SRPK2: variants seen among roughly 807,000 people sequenced by gnomAD.
SRPK2 encodes SFRS protein kinase 2.
A neutral mutation model predicts 90.8 loss-of-function variants in SRPK2; 21 were observed. The ratio of observed to expected loss-of-function variants is 0.23; its 90% CI spans 0.16 to 0.33. The LOEUF is 0.33. Among genes scored for constraint, SRPK2 ranks in the 10% least tolerant of loss-of-function variants. The pLI, the probability that SRPK2 is intolerant of heterozygous loss-of-function variation, is 1.00. For missense variants in SRPK2, 620 were observed against 869.0 expected (o/e 0.71, Z 3.60); for synonymous variants, 288 against 311.1 (o/e 0.93, Z 0.78).
chr7:105,137,440 CA>C (rs1399243937), intron 11 of SRPK2, among the ~76,000 whole-genome samples: 4 of 152,116 alleles, frequency 2.6e-5, no homozygotes, highest in Non-Finnish European at 4.4e-5. Flanking sequence ...CAGACAGAGA[CA>C]GACTGGGGAG....
At chr7:105,231,548 C>T (rs1178117317) in intron 2 of SRPK2, among the ~76,000 whole-genome samples, 1 of 152,166 alleles carries the variant, frequency 6.6e-6, no homozygotes, top group Non-Finnish European at 1.5e-5. Flanking sequence ...TATAAATGTT[C>T]CCTTTTCTCC....
chr7:105,273,005 G>A (rs1010418664), intron 2 of SRPK2, among the ~76,000 whole-genome samples: 3 of 151,960 alleles, frequency 2.0e-5, no homozygotes, highest in Non-Finnish European at 2.9e-5. Flanking sequence ...ACGAAGGTCA[G>A]GAGATAGAGA....
intron 15 of SRPK2, among the ~76,000 whole-genome samples, chr7:105,118,570 A>G (rs1228327242): frequency 6.6e-6 from 1 of 152,216 alleles, no homozygotes; most frequent in Non-Finnish European, 1.5e-5. Context: ...TAAATGGCCT[A>G]CGAGCTGTAA....
intron 2 of SRPK2, among the ~76,000 whole-genome samples, chr7:105,272,613 A>T (rs1365972877): frequency 6.6e-6 from 1 of 151,814 alleles, no homozygotes; most frequent in African/African-American, 2.4e-5. Flanking sequence ...ACCTGTAAGG[A>T]CCCTCTTTTC....
intron 13 of SRPK2, among the ~76,000 whole-genome samples, chr7:105,131,740 A>T (rs937395047): frequency 6.6e-6 from 1 of 152,234 alleles, no homozygotes; most frequent in African/African-American, 2.4e-5. Context: ...GAAAATTAAT[A>T]TATTTATTCT....
At chr7:105,374,968 A>G (rs1340275056) in intron 2 of SRPK2, among the ~76,000 whole-genome samples, 3 of 152,178 alleles carry the variant, frequency 2.0e-5, no homozygotes, top group Admixed American at 6.6e-5. Context: ...AAAATCATAT[A>G]TAAGAGATGA....
chr7:105,275,299 T>C (rs1806344450), intron 2 of SRPK2, among the ~76,000 whole-genome samples: 1 of 152,192 alleles, frequency 6.6e-6, no homozygotes. Flanking sequence ...TGCTATTTTC[T>C]TTTATCTCCA....
chr7:105,207,989 T>C (rs1214696509), intron 2 of SRPK2, among the ~76,000 whole-genome samples: 20 of 152,150 alleles, frequency 1.3e-4, no homozygotes, highest in Middle Eastern at 3.4e-3. Flanking sequence ...ATAAAAAGGA[T>C]TGGAAAGACA....
chr7:105,175,464 A>T (rs549070039), intron 3 of SRPK2, among the ~76,000 whole-genome samples: 2 of 152,198 alleles, frequency 1.3e-5, no homozygotes, highest in South Asian at 2.1e-4. Flanking sequence ...TTAGAAAACT[A>T]AAAAAATAGC....
chr7:105,231,719 G>T (rs541556485), intron 2 of SRPK2, among the ~76,000 whole-genome samples: 1 of 152,078 alleles, frequency 6.6e-6, no homozygotes, highest in Non-Finnish European at 1.5e-5. Context: ...GTCTTCTTTT[G>T]AAAAGTGTCT....
At chr7:105,361,707 A>G (rs1585887372) in intron 2 of SRPK2, among the ~76,000 whole-genome samples, 1 of 152,336 alleles carries the variant, frequency 6.6e-6, no homozygotes, top group Admixed American at 6.5e-5. Context: ...CAAACCTGAC[A>G]AAAACAAGCA....
At position 105,250,038 on chromosome 7, in the gene SRPK2, G is replaced by A. The variant is rs150199934; in HGVS notation, c.72-46253C>T. ...AGCGTTATTCTACTGTTAAAAAGTCGTGGCTACTTTGGCCAGGCACAGTGG... is the reference window on the plus strand; with the variant it reads ...AGCGTTATTCTACTGTTAAAAAGTCATGGCTACTTTGGCCAGGCACAGTGG... On this transcript the variant is annotated intron_variant, in intron 2 of 15. Transcript: ENST00000393651. Among the ~76,000 whole-genome samples, 346 of 152,166 alleles carry A rather than the reference G, an allele frequency of 2.3e-3. 2 individuals carry two copies. Among genetic ancestry groups the A allele is most frequent in the African/African-American group, 7.9e-3 (330 of 41,520 alleles).
At chr7:105,233,091 A>AGAAGGAAGGAAGGAAGGAAGGAAGGAAG (rs60327841) in intron 2 of SRPK2, among the ~76,000 whole-genome samples, 11 of 91,902 alleles carry the variant, frequency 1.2e-4, no homozygotes, top group South Asian at 4.4e-4. Flanking sequence ...AAGGAAGGAA[A>AGAAGGAAGGAAGGAAGGAAGGAAGGAAG]GAAGGAAGGA....
At position 105,117,433 on chromosome 7, in the gene SRPK2, G is replaced by T; in HGVS notation, c.*405C>A. On this transcript the variant is annotated 3_prime_UTR_variant, in exon 16 of 16. Coordinates refer to ENST00000393651, the MANE Select transcript of SRPK2 (RefSeq NM_182692.3). The stretch of plus-strand genomic sequence containing the variant: ...TTGTACATTTCCTTGCTATTTCTTG[G>T]TTCCAACTTGATAATTTCTTAAGAT... 1 of 187,826 alleles carries T rather than the reference G, an allele frequency of 5.3e-6. No homozygotes were observed. Among genetic ancestry groups the T allele is most frequent in the Non-Finnish European group, 1.1e-5 (1 of 91,620 alleles). 11.6% of individuals were successfully genotyped at this position (187,826 alleles called of 1,614,324 possible). A position where few individuals can be genotyped will look rare whatever the true frequency, so the allele number is the denominator to read the frequency against.
chr7:105,237,769 A>G (rs1800316675), intron 2 of SRPK2, among the ~76,000 whole-genome samples: 1 of 152,236 alleles, frequency 6.6e-6, no homozygotes, highest in Non-Finnish European at 1.5e-5. Context: ...TACAAGCCAA[A>G]CATGAAGAAC....
intron 2 of SRPK2, among the ~76,000 whole-genome samples, chr7:105,316,022 ATTT>A (rs11330337): frequency 7.0e-5 from 9 of 128,642 alleles, no homozygotes; most frequent in Non-Finnish European, 3.2e-5. Flanking sequence ...TCTTTAGGTA[ATTT>A]TTTTTTTTTT....
At chr7:105,118,366 C>T (rs1050923513) in intron 15 of SRPK2, among the ~76,000 whole-genome samples, 4 of 152,256 alleles carry the variant, frequency 2.6e-5, no homozygotes, top group Non-Finnish European at 5.9e-5. Context: ...TGGGATCTTC[C>T]GTAAAATTTG....
chr7:105,259,100 T>C (rs192919433), intron 2 of SRPK2, among the ~76,000 whole-genome samples: 5 of 152,298 alleles, frequency 3.3e-5, no homozygotes, highest in Admixed American at 6.5e-5. Context: ...TCAAATTGTC[T>C]CTGTTTGCAG....
At chr7:105,146,749 G>A (rs1448288643) in intron 7 of SRPK2, 91 bp from the exon 8 acceptor site, 1 of 1,339,368 alleles carries the variant, frequency 7.5e-7, no homozygotes, top group Non-Finnish European at 1.0e-6. Flanking sequence ...TACAATGCCA[G>A]GGTACAAAGT....
Sources: gnomAD v4.1 joint callset for allele counts (sites outside exome capture counted in the v4.1 genomes callset) on GRCh38, gnomAD v4.1.1 for gene constraint, MANE v1.5 for transcripts, NCBI Gene and HGNC (gene_info 2026-07-23, HGNC 2026-07-21) for gene names.